Variants in ARHGEF18 observed in about 807,000 individuals in gnomAD.
ARHGEF18 encodes Rho/Rac guanine nucleotide exchange factor 18.
ARHGEF18 carries 93 observed loss-of-function variants against 155.7 expected under a neutral mutation model. The ratio of observed to expected loss-of-function variants is 0.60; its 90% CI spans 0.50 to 0.71. ARHGEF18 has a LOEUF of 0.71. ARHGEF18 is among the 30% of genes least tolerant of loss of function. ARHGEF18 has a pLI of 0.00. For synonymous variants in ARHGEF18, 742 were observed against 753.1 expected (o/e 0.99, Z 0.24); for missense variants, 1,593 against 1,816.1 (o/e 0.88, Z 2.23).
At chr19:7,380,122 G>A (rs1290984166) in intron 7 of ARHGEF18, among the ~76,000 whole-genome samples, 2 of 150,982 alleles carry the variant, frequency 1.3e-5, no homozygotes, top group Non-Finnish European at 2.9e-5. Flanking sequence ...AGGCTGCCAT[G>A]AGCCATGATT....
chr19:7,445,143 A>C (rs994667813), intron 14 of ARHGEF18, among the ~76,000 whole-genome samples: 2 of 152,152 alleles, frequency 1.3e-5, no homozygotes, highest in Non-Finnish European at 2.9e-5. Flanking sequence ...TTATGCTTTC[A>C]ACCGTTCAAA....
At chr19:7,359,822 TC>T (rs1434652277) in intron 1 of ARHGEF18, among the ~76,000 whole-genome samples, 2 of 151,682 alleles carry the variant, frequency 1.3e-5, no homozygotes, top group Non-Finnish European at 2.9e-5. Context: ...CATCATCAGG[TC>T]AAGCTCAACC....
At chr19:7,410,995 TACTC>T (rs1972642684) in intron 10 of ARHGEF18, among the ~76,000 whole-genome samples, 2 of 151,928 alleles carry the variant, frequency 1.3e-5, no homozygotes, top group Admixed American at 1.3e-4. Context: ...TCAAGAGAAA[TACTC>T]ACAAGGCAGA....
intron 1 of ARHGEF18, among the ~76,000 whole-genome samples, chr19:7,362,023 G>A (rs4804538): frequency 0.31 from 13,053 of 42,380 alleles, 2,000 homozygotes; most frequent in East Asian, 0.39. Flanking sequence ...GAAGGAGAAG[G>A]AGAAGGAGAA....
At chr19:7,387,730 C>T (rs183532747) in intron 10 of ARHGEF18, among the ~76,000 whole-genome samples, 79 of 152,116 alleles carry the variant, frequency 5.2e-4, no homozygotes, top group Middle Eastern at 3.4e-3. Flanking sequence ...AGTGCAGTGG[C>T]GTGATGTCGG....
At chr19:7,390,649 T>A (rs1466346009) in intron 10 of ARHGEF18, 5 of 152,212 alleles carry the variant, frequency 3.3e-5, no homozygotes, top group Non-Finnish European at 5.9e-5. Flanking sequence ...TTTTTGTTAT[T>A]GTCATTTAAA....
intron 10 of ARHGEF18, among the ~76,000 whole-genome samples, chr19:7,408,474 C>T (rs901289385): frequency 2.0e-5 from 3 of 152,214 alleles, no homozygotes; most frequent in African/African-American, 4.8e-5. Flanking sequence ...CTACAGTAGA[C>T]GCATCATTTT....
rs763844623 is a variant in ARHGEF18, at chr19:7,467,330, G to T, written c.3126G>T (p.Arg1042=). 153 of 1,538,216 alleles carry T rather than the reference G, an allele frequency of 9.9e-5. No homozygotes were observed. The highest frequency in any genetic ancestry group is 1.2e-4 in the Non-Finnish European group (143 of 1,146,928). Residue 1042 remains arginine (R), a synonymous_variant, in exon 26 of 29, where the codon CGG becomes CGT. Coordinates refer to ENST00000668164, the MANE Select transcript of ARHGEF18 (RefSeq NM_001367823.1). ...TRGNLLLEQE[R]QRNFEKQREE... Reference sequence around the variant, plus strand: ...GGAACCTGCTGCTGGAGCAGGAGCGGCAACGCAACTTCGAGAAGCAGCGGG... The same window carrying T: ...GGAACCTGCTGCTGGAGCAGGAGCGTCAACGCAACTTCGAGAAGCAGCGGG...
intron 10 of ARHGEF18, among the ~76,000 whole-genome samples, chr19:7,398,704 A>AAAT (rs1555708478): frequency 2.7e-5 from 4 of 147,166 alleles, no homozygotes; most frequent in African/African-American, 1.1e-4. Context: ...AAAAAAAAAA[A>AAAT]AAATAAAGAA....
rs746634201 is a variant in ARHGEF18 at position 7,458,652 on chromosome 19, G to A, written c.2322G>A (p.Arg774=). The change falls in exon 19 of 29, where the codon AGG becomes AGA. Residue 774 remains arginine (R), a synonymous_variant. Coordinates refer to ENST00000668164, the MANE Select transcript of ARHGEF18 (RefSeq NM_001367823.1). ...TCTACACGAGCTCCAAAGAGGACAG[G>A]AACGCCTGGATGGCCCACATCCAAA... ...YEIYTSSKED[R]NAWMAHIQRA... is the part of the protein sequence containing the mutation. 1.5e-5 allele frequency: 25 copies of A among 1,614,074 alleles called. No homozygotes were observed. Among genetic ancestry groups the A allele is most frequent in the Non-Finnish European group, 1.1e-5 (13 of 1,179,966 alleles).
At chr19:7,398,703 A>AAT (rs1568298017) in intron 10 of ARHGEF18, among the ~76,000 whole-genome samples, 1 of 150,268 alleles carries the variant, frequency 6.7e-6, no homozygotes, top group African/African-American at 2.5e-5. Context: ...AAAAAAAAAA[A>AAT]AAAATAAAGA....
chr19:7,363,770 GAGGATGGATAAATGAAAGAATGAAGGA>G (rs963921078), intron 2 of ARHGEF18, among the ~76,000 whole-genome samples: 1 of 151,330 alleles, frequency 6.6e-6, no homozygotes, highest in African/African-American at 2.4e-5. Context: ...TGAAAGGAAG[GAGGATGGATAAATGAAAGAATGAAGGA>G]AGGATGGATG....
chr19:7,351,606 ACCCACTGTG>A (rs1969158422), intron 1 of ARHGEF18, among the ~76,000 whole-genome samples: 1 of 151,260 alleles, frequency 6.6e-6, no homozygotes, highest in Admixed American at 6.6e-5. Flanking sequence ...TACAGGCATG[ACCCACTGTG>A]CCCAGCTAGA....
At chr19:7,417,684 G>A (rs955423805) in intron 10 of ARHGEF18, among the ~76,000 whole-genome samples, 4 of 152,164 alleles carry the variant, frequency 2.6e-5, no homozygotes, top group African/African-American at 9.7e-5. Flanking sequence ...ATGACAGAGC[G>A]AGACTCGGTC....
At chr19:7,431,505 C>A in intron 10 of ARHGEF18, among the ~76,000 whole-genome samples, 2 of 75,332 alleles carry the variant, frequency 2.7e-5, no homozygotes, top group African/African-American at 6.5e-5. Context: ...AGTGAGACTC[C>A]ATCTCAAAAA....
At chr19:7,438,954 C>A (rs1600443011) in intron 10 of ARHGEF18, among the ~76,000 whole-genome samples, 2 of 151,988 alleles carry the variant, frequency 1.3e-5, no homozygotes, top group Non-Finnish European at 1.5e-5. Context: ...CTCACTGCAA[C>A]CTCCGACTCC....
chr19:7,375,733 G>T lies in ARHGEF18; in HGVS notation c.289G>T (p.Ala97Ser). Reference sequence around the variant, plus strand: ...CTTCTCCACTAGGCTCAGCCTCGATGCCTCAGCTGTGGATGAGGAACCCTG... The same window carrying T: ...CTTCTCCACTAGGCTCAGCCTCGATTCCTCAGCTGTGGATGAGGAACCCTG... Reference protein sequence around the residue: ...SESWRRLSLDASAVDEEPCLP... With the variant: ...SESWRRLSLDSSAVDEEPCLP... Residue 97 changes from alanine (A) to serine (S), a missense_variant, in exon 4 of 29, where the codon GCC (alanine) becomes TCC (serine). Coordinates refer to ENST00000668164, the MANE Select transcript of ARHGEF18 (RefSeq NM_001367823.1). 8.1e-7 allele frequency: 1 copy of T among 1,234,454 alleles called. No individual in the cohort carries two copies. The highest frequency in any genetic ancestry group is 3.2e-5 in the East Asian group (1 of 31,704). 76.5% of individuals were successfully genotyped at this position (1,234,454 alleles called of 1,614,324 possible). A position where few individuals can be genotyped will look rare whatever the true frequency, so the allele number is the denominator to read the frequency against.
chr19:7,440,670 G>C lies in ARHGEF18; in HGVS notation c.1106+188G>C, dbSNP rs950927609. The stretch of plus-strand genomic sequence containing the variant: ...CACGCCTTTTTTGCAAAAACGATGT[G>C]TCCCGGGGTGTATTCGGCCCCTGGT... On this transcript the variant is annotated intron_variant, in intron 11 of 28. Transcript: ENST00000668164. The surrounding 1 kb of genome is among the most constrained non-coding windows in gnomAD (Gnocchi z 5.4). Among the ~76,000 whole-genome samples, 1 of 152,152 alleles carries C rather than the reference G, an allele frequency of 6.6e-6. No individual in the cohort carries two copies. The highest frequency in any genetic ancestry group is 2.4e-5 in the African/African-American group (1 of 41,440).
Position 7,470,581 on chromosome 19 carries a change from T to A in ARHGEF18, c.*283T>A, listed in dbSNP as rs1378363557. ...TTGAGCCAGAACTAAACCAGGGAGC[T>A]GTCTGAAATCATAGCACCCCATCCG... On this transcript the variant is annotated 3_prime_UTR_variant, in exon 29 of 29. Coordinates refer to ENST00000668164, the MANE Select transcript of ARHGEF18 (RefSeq NM_001367823.1). This position sits in a 1 kb window ranked among gnomAD's most constrained non-coding sequence, Gnocchi z 5.9. The A allele has an allele frequency of 2.5e-6, 1 of 397,714 alleles. No individual in the cohort carries two copies. Among genetic ancestry groups the A allele is most frequent in the Non-Finnish European group, 4.4e-6 (1 of 226,594 alleles). 24.6% of individuals were successfully genotyped at this position (397,714 alleles called of 1,614,324 possible).
Sources: allele counts gnomAD v4.1 joint callset (sites outside exome capture counted in the v4.1 genomes callset), GRCh38; gene constraint gnomAD v4.1.1; non-coding constraint Gnocchi (gnomAD v3.1); transcripts MANE v1.5; gene names NCBI Gene and HGNC (gene_info 2026-07-23, HGNC 2026-07-21).